ARHGAP39: variants seen among roughly 807,000 people sequenced by gnomAD.
The protein encoded by ARHGAP39 is rho GTPase-activating protein 39.
In ARHGAP39, 44 loss-of-function variants were observed where a neutral mutation model predicts 106.9. That is an observed-to-expected ratio of 0.41 (90% CI 0.32 to 0.53). ARHGAP39 has a LOEUF of 0.53. ARHGAP39 is among the 20% of genes least tolerant of loss of function. The pLI is 0.21. For synonymous variants in ARHGAP39, 768 were observed against 693.2 expected (o/e 1.11, Z -1.69); for missense variants, 1,496 against 1,577.3 (o/e 0.95, Z 0.87).
the ARHGAP39 span, chr8:144,698,914 G>T: frequency 2.2e-6 from 1 of 455,490 alleles, no homozygotes; most frequent in South Asian, 1.6e-5. Context: ...TCCAAGATGT[G>T]AATAAACATG....
intron 3 of ARHGAP39, among the ~76,000 whole-genome samples, chr8:144,568,278 G>A (rs1015179552): frequency 3.8e-5 from 5 of 131,506 alleles, no homozygotes; most frequent in African/African-American, 1.5e-4. Flanking sequence ...AGGATGCAGT[G>A]AGCCGAGATC....
chr8:144,688,222 A>G (rs1822672356), upstream of ARHGAP39, among the ~76,000 whole-genome samples: 1 of 151,614 alleles, frequency 6.6e-6, no homozygotes, highest in Admixed American at 6.6e-5. Context: ...TCCTGCCTCA[A>G]CCTCTTGAGT....
intron 1 of ARHGAP39, among the ~76,000 whole-genome samples, chr8:144,617,877 G>A (rs1820680014): frequency 6.6e-6 from 1 of 152,122 alleles, no homozygotes; most frequent in South Asian, 2.1e-4. Context: ...AACCTCCCGG[G>A]CTCAAATGAT....
At chr8:144,618,025 G>A (rs1586617919) in intron 1 of ARHGAP39, among the ~76,000 whole-genome samples, 1 of 152,214 alleles carries the variant, frequency 6.6e-6, no homozygotes, top group East Asian at 1.9e-4. Flanking sequence ...CAAGGGATCT[G>A]CCTGCCTCGG....
chr8:144,551,642 T>A (rs1206048570), intron 4 of ARHGAP39, among the ~76,000 whole-genome samples: 1 of 149,290 alleles, frequency 6.7e-6, no homozygotes, highest in Non-Finnish European at 1.5e-5. Flanking sequence ...TAGGCAGCTC[T>A]GCTCTTTCCC....
rs13282885 is a variant in ARHGAP39 at position 144,644,796 on chromosome 8, T to G, written c.-81-39101A>C. Among the ~76,000 whole-genome samples the G allele has an allele frequency of 8.8e-3, 1,341 of 152,326 alleles. 12 individuals carry two copies. The highest frequency in any genetic ancestry group is 0.012 in the Non-Finnish European group (828 of 68,028). On this transcript the variant is annotated intron_variant, in intron 1 of 11. Transcript: ENST00000377307. This position sits in a 1 kb window ranked among gnomAD's most constrained non-coding sequence, Gnocchi z 4.8. ...ACAGCTCTTGGCTGCACCTGCACTC[T>G]GAGTCATTGCAGGCACCAAACCCAA...
Position 144,530,388 on chromosome 8 carries a change from G to T in ARHGAP39, c.*34C>A, listed in dbSNP as rs750473274. 7.1e-6 allele frequency: 11 copies of T among 1,557,818 alleles called. No homozygotes were observed. The highest frequency in any genetic ancestry group is 1.2e-5 in the South Asian group (1 of 86,056). On this transcript the variant is annotated 3_prime_UTR_variant, in exon 12 of 12. Transcript: ENST00000377307. ...TGCGGAGTTCGGCCTGGCTGGGGGC[G>T]GCAGGACATCCCTCCTGTCCCCGGG... is the stretch of plus-strand genomic sequence containing the variant.
chr8:144,548,369 C>A lies in ARHGAP39; in HGVS notation c.717G>T (p.Gly239=). The change falls in exon 5 of 12, where the codon GGG becomes GGT. Residue 239 remains glycine, a synonymous_variant. Transcript: ENST00000377307. The surrounding 1 kb of genome is among the most constrained non-coding windows in gnomAD (Gnocchi z 7.4). ...TGCCGGAGGGTCTGCGGGAGCGGAC[C>A]CCAGGTGGGCCGTCTGGGGCGTAGC... ...GNGYAPDGPP[G]VRSRRPSGSQ... is the part of the protein sequence containing the mutation. 6.2e-7 allele frequency: 1 copy of A among 1,608,754 alleles called. No homozygotes were observed. Among genetic ancestry groups the A allele is most frequent in the Non-Finnish European group, 8.5e-7 (1 of 1,177,980 alleles).
intron 1 of ARHGAP39, among the ~76,000 whole-genome samples, chr8:144,629,366 G>A (rs772943053): frequency 1.5e-4 from 23 of 152,112 alleles, no homozygotes; most frequent in African/African-American, 4.8e-4. Context: ...GGCTCCAAGA[G>A]CAGACCCGCA....
At chr8:144,541,971 G>GTT (rs59286612) in intron 6 of ARHGAP39, among the ~76,000 whole-genome samples, 1,507 of 146,828 alleles carry the variant, frequency 0.01, 24 homozygotes, top group African/African-American at 0.03. Flanking sequence ...TCCTTTCTGG[G>GTT]TTTTTTTTTT....
chr8:144,551,783 G>A (rs1289868343), intron 4 of ARHGAP39, among the ~76,000 whole-genome samples: 3 of 152,084 alleles, frequency 2.0e-5, no homozygotes, highest in Admixed American at 6.5e-5. Context: ...AGCTTGCCCC[G>A]GCCCCCGGGA....
chr8:144,540,392 A>C (rs1817140633), intron 6 of ARHGAP39, among the ~76,000 whole-genome samples: 1 of 152,172 alleles, frequency 6.6e-6, no homozygotes, highest in Non-Finnish European at 1.5e-5. Context: ...TCTCAGAATA[A>C]ATAAATACAT....
chr8:144,620,120 C>T (rs557660217), intron 1 of ARHGAP39, among the ~76,000 whole-genome samples: 39 of 134,378 alleles, frequency 2.9e-4, no homozygotes, highest in African/African-American at 3.1e-4. Flanking sequence ...CATGTGTGCC[C>T]GTGTGCGTGT....
At chr8:144,597,215 A>C (rs1384645385) in intron 2 of ARHGAP39, among the ~76,000 whole-genome samples, 2 of 152,128 alleles carry the variant, frequency 1.3e-5, no homozygotes, top group Non-Finnish European at 2.9e-5. Flanking sequence ...CCAGCAGGAG[A>C]TGCGTTTGCT....
chr8:144,632,379 C>G (rs916791430), intron 1 of ARHGAP39, among the ~76,000 whole-genome samples: 7 of 152,206 alleles, frequency 4.6e-5, no homozygotes, highest in African/African-American at 1.7e-4. Context: ...CTCTTCCAGC[C>G]GCACTGGAGC....
At chr8:144,683,332 ATAAAAT>A (rs1822478752) in intron 1 of ARHGAP39, 1 of 150,378 alleles carries the variant, frequency 6.6e-6, no homozygotes, top group Non-Finnish European at 1.5e-5. Flanking sequence ...AAAAATAAAA[ATAAAAT>A]AAAATAAAAT....
intron 3 of ARHGAP39, among the ~76,000 whole-genome samples, chr8:144,569,275 C>G (rs1227591935): frequency 6.6e-6 from 1 of 152,188 alleles, no homozygotes; most frequent in Non-Finnish European, 1.5e-5. Context: ...ATGTACCTAA[C>G]TACAGAGCCT....
In ARHGAP39 at chr8:144,595,073, C is replaced by A. The variant is rs1011112139; in HGVS notation, c.80+10462G>T. ...AACCCCACAGAGTTACCACCTGACC[C>A]AGCAATTCCACAACTAGGTATACAC... On this transcript the variant is annotated intron_variant, in intron 2 of 11. Transcript: ENST00000377307. Among the ~76,000 whole-genome samples the A allele has an allele frequency of 3.9e-5, 6 of 152,200 alleles. No homozygotes were observed. In the East Asian group the frequency reaches 1.2e-3, roughly 29 times the overall value.
At chr8:144,697,997 T>C in the ARHGAP39 span, among the ~76,000 whole-genome samples, 2 of 152,324 alleles carry the variant, frequency 1.3e-5, no homozygotes, top group East Asian at 3.9e-4. Flanking sequence ...CTCTATCATT[T>C]TGGCGTGTTA....
Sources: allele counts gnomAD v4.1 joint callset (sites outside exome capture counted in the v4.1 genomes callset), GRCh38; gene constraint gnomAD v4.1.1; non-coding constraint Gnocchi (gnomAD v3.1); transcripts MANE v1.5; gene names NCBI Gene and HGNC (gene_info 2026-07-23, HGNC 2026-07-21).